The following CADM1 variants were observed in gnomAD, a reference collection of about 807,000 sequenced individuals.
The protein encoded by CADM1 is cell adhesion molecule 1.
A neutral mutation model predicts 53.1 loss-of-function variants in CADM1; 15 were observed. The ratio of observed to expected loss-of-function variants is 0.28; its 90% CI spans 0.19 to 0.44. The LOEUF is 0.44. Ranked by LOEUF, CADM1 falls within the 20% of genes least tolerant of loss-of-function variation. The probability of loss-of-function intolerance (pLI) is 1.00; values close to 1 mark genes in which losing one functional copy is unlikely to be tolerated. For synonymous variants in CADM1, 281 were observed against 243.0 expected (o/e 1.16, Z -1.45); for missense variants, 434 against 611.3 (o/e 0.71, Z 3.06).
chr11:115,383,353 A>G (rs1946624784), intron 1 of CADM1, among the ~76,000 whole-genome samples: 1 of 152,236 alleles, frequency 6.6e-6, no homozygotes, highest in Non-Finnish European at 1.5e-5. Context: ...TGAAAAGGTA[A>G]CCAGCAGTTA....
chr11:115,214,581 A>G, intron 7 of CADM1, 27 bp downstream of exon 7: 3 of 1,603,722 alleles, frequency 1.9e-6, no homozygotes, highest in Middle Eastern at 1.7e-4. Flanking sequence ...TGACTCTAGT[A>G]GAAGAGCATT....
chr11:115,492,904 A>G (rs1031348808), intron 1 of CADM1, among the ~76,000 whole-genome samples: 3 of 149,960 alleles, frequency 2.0e-5, no homozygotes, highest in African/African-American at 7.4e-5. Context: ...TTCACATATA[A>G]CTTTTTTTTG....
chr11:115,434,434 C>G (rs1383211414), intron 1 of CADM1, among the ~76,000 whole-genome samples: 2 of 152,244 alleles, frequency 1.3e-5, no homozygotes, highest in Non-Finnish European at 2.9e-5. Flanking sequence ...AACTGACTTA[C>G]ATTGCCCGAC....
In CADM1 at chr11:115,404,097, G is replaced by A. The variant is rs181525803; in HGVS notation, c.124+100174C>T. Among the ~76,000 whole-genome samples the A allele has an allele frequency of 1.1e-3, 159 of 149,162 alleles. 2 individuals are homozygous for A. The East Asian group carries it at 0.026, about 24-fold the overall frequency. On this transcript the variant is annotated intron_variant, in intron 1 of 11. Transcript: ENST00000331581. ...TCCCAACACCCTGGGAGGCTGAGGC[G>A]GGCAGATCACTTGAGGTCAGATGTT...
chr11:115,450,293 T>G (rs530365186), intron 1 of CADM1, among the ~76,000 whole-genome samples: 1 of 152,312 alleles, frequency 6.6e-6, no homozygotes, highest in East Asian at 1.9e-4. Context: ...TTCCTTCACT[T>G]GCATCCAAAT....
At chr11:115,435,966 A>G (rs1231632378) in intron 1 of CADM1, among the ~76,000 whole-genome samples, 4 of 152,194 alleles carry the variant, frequency 2.6e-5, no homozygotes, top group Non-Finnish European at 5.9e-5. Context: ...TAAACATCTA[A>G]GAAACCTACA....
At chr11:115,220,752 C>A (rs1279310056) in intron 5 of CADM1, among the ~76,000 whole-genome samples, 3 of 152,206 alleles carry the variant, frequency 2.0e-5, no homozygotes, top group Non-Finnish European at 2.9e-5. Flanking sequence ...AAAATAAATT[C>A]TGTTCCCCTT....
intron 1 of CADM1, among the ~76,000 whole-genome samples, chr11:115,378,791 C>G (rs1209318540): frequency 6.6e-6 from 1 of 152,244 alleles, no homozygotes. Context: ...AGCTTTCACA[C>G]TACAACAGCA....
rs777114864 is a variant in CADM1 at position 115,229,148 on chromosome 11, C to A, written c.686G>T (p.Gly229Val). The change falls in exon 5 of 12, where the codon GGA becomes GTA. Residue 229 changes from glycine (G) to valine (V), a missense_variant. Gly to Val is a moderately radical substitution (Grantham distance 109). Coordinates refer to ENST00000331581, the MANE Select transcript of CADM1 (RefSeq NM_001301043.2). The part of the protein sequence containing the change: ...ICQVEHPAVT[G>V]NLQTQRYLEV... ...TAGATACCGCTGGGTCTGCAGGTTTCCAGTGACCGCAGGGTGCTCCACCTG... is the reference window on the plus strand; with the variant it reads ...TAGATACCGCTGGGTCTGCAGGTTTACAGTGACCGCAGGGTGCTCCACCTG... 1 of 1,614,088 alleles carries A rather than the reference C, an allele frequency of 6.2e-7. No individual in the cohort carries two copies. Among genetic ancestry groups the A allele is most frequent in the Non-Finnish European group, 8.5e-7 (1 of 1,180,016 alleles).
intron 3 of CADM1, among the ~76,000 whole-genome samples, chr11:115,236,644 T>C (rs1942020708): frequency 6.6e-6 from 1 of 152,128 alleles, no homozygotes; most frequent in African/African-American, 2.4e-5. Flanking sequence ...GCAGTTGTTT[T>C]GAGAATAAAT....
chr11:115,449,335 G>T (rs187339541), intron 1 of CADM1, among the ~76,000 whole-genome samples: 1 of 152,178 alleles, frequency 6.6e-6, no homozygotes, highest in Non-Finnish European at 1.5e-5. Context: ...ATTGTGCTTG[G>T]TATAGCACAG....
intron 1 of CADM1, among the ~76,000 whole-genome samples, chr11:115,418,238 A>G (rs1189278016): frequency 6.6e-6 from 1 of 152,142 alleles, no homozygotes; most frequent in Non-Finnish European, 1.5e-5. Flanking sequence ...CGAAAAAGAA[A>G]ATGAAACTTC....
At chr11:115,366,260 G>A (rs1946154854) in intron 1 of CADM1, among the ~76,000 whole-genome samples, 1 of 152,160 alleles carries the variant, frequency 6.6e-6, no homozygotes, top group South Asian at 2.1e-4. Flanking sequence ...TAAGCAAATT[G>A]CCTGTCTCAG....
chr11:115,504,322 G>T lies in CADM1; in HGVS notation c.73C>A (p.Arg25=). The stretch of plus-strand genomic sequence containing the variant: ...AAGAGCAACAGCAGAAGCCGGAGCC[G>T]GAGCCCGGGAGGCGCCGCCGCCGCC... ...AAAAAAPPGL[R]LRLLLLLFSA... The change falls in exon 1 of 12, where the codon CGG becomes AGG. Residue 25 remains arginine (R), a synonymous_variant. Coordinates refer to ENST00000331581, the MANE Select transcript of CADM1 (RefSeq NM_001301043.2). The T allele has an allele frequency of 6.5e-7, 1 of 1,548,916 alleles. No individual in the cohort carries two copies.
intron 1 of CADM1, among the ~76,000 whole-genome samples, chr11:115,428,754 G>GA (rs903703680): frequency 4.9e-5 from 7 of 141,480 alleles, no homozygotes; most frequent in East Asian, 4.1e-4. Flanking sequence ...TAGCTATAGA[G>GA]AAAAAAAACT....
At chr11:115,404,096 C>T (rs530888839) in intron 1 of CADM1, among the ~76,000 whole-genome samples, 306 of 149,080 alleles carry the variant, frequency 2.1e-3, no homozygotes, top group African/African-American at 7.0e-3. Context: ...GAGGCTGAGG[C>T]GGGCAGATCA....
chr11:115,249,826 C>G (rs79558836), intron 1 of CADM1, among the ~76,000 whole-genome samples: 1 of 152,134 alleles, frequency 6.6e-6, no homozygotes, highest in African/African-American at 2.4e-5. Flanking sequence ...CTACTGTGGT[C>G]TCTTCTACTT....
intron 1 of CADM1, among the ~76,000 whole-genome samples, chr11:115,502,871 T>A (rs1343376380): frequency 6.6e-6 from 1 of 152,176 alleles, no homozygotes; most frequent in Non-Finnish European, 1.5e-5. Context: ...GAGGCGCCCC[T>A]GAAGCAGCAC....
chr11:115,285,045 T>C (rs938803685), intron 1 of CADM1, among the ~76,000 whole-genome samples: 3 of 152,304 alleles, frequency 2.0e-5, no homozygotes, highest in Non-Finnish European at 4.4e-5. Flanking sequence ...GTATGAAGGA[T>C]TGCTAATTTC....
Sources: gnomAD v4.1 joint callset for allele counts (sites outside exome capture counted in the v4.1 genomes callset) on GRCh38, gnomAD v4.1.1 for gene constraint, MANE v1.5 for transcripts, NCBI Gene and HGNC (gene_info 2026-07-23, HGNC 2026-07-21) for gene names.